RHOT1: variants seen among roughly 807,000 people sequenced by gnomAD.
RHOT1 encodes the protein mitochondrial Rho GTPase 1.
A neutral mutation model predicts 95.3 loss-of-function variants in RHOT1; 27 were observed. The ratio of observed to expected loss-of-function variants is 0.28; its 90% CI spans 0.21 to 0.39. RHOT1 has a LOEUF of 0.39. Among genes scored for constraint, RHOT1 ranks in the 10% least tolerant of loss-of-function variants. The pLI is 1.00. For synonymous variants in RHOT1, 227 were observed against 263.5 expected (o/e 0.86, Z 1.34); for missense variants, 578 against 786.7 (o/e 0.73, Z 3.17).
chr17:32,195,153 C>G (rs1449922721), intron 11 of RHOT1, among the ~76,000 whole-genome samples: 1 of 150,600 alleles, frequency 6.6e-6, no homozygotes, highest in Non-Finnish European at 1.5e-5. Context: ...GAGACAAGGT[C>G]TCATTTTGGC....
intron 16 of RHOT1, among the ~76,000 whole-genome samples, chr17:32,206,308 C>A (rs2037730165): frequency 6.8e-6 from 1 of 147,912 alleles, no homozygotes; most frequent in African/African-American, 2.5e-5. Context: ...CAGGCTCAAG[C>A]GATTCTCCTG....
At position 32,208,227 on chromosome 17, in the gene RHOT1, C is replaced by T. The variant is rs1418920696; in HGVS notation, c.1657C>T (p.Pro553Ser). The change falls in exon 18 of 20, where the codon CCA (proline) becomes TCA (serine). Residue 553 changes from proline to serine, a missense_variant. Pro to Ser is a moderately conservative substitution (Grantham distance 74). This residue lies in a region of RHOT1 where 296 missense variants were observed against 338.5 expected (regional missense o/e 0.87). Transcript: ENST00000545287. ...TDFCRKHKMP[P>S]PQAFTCNTAD... is the part of the protein sequence containing the mutation. Reference sequence around the variant, plus strand: ...TTTCTGCAGGAAACACAAAATGCCTCCACCACAAGCCTTCACTTGCAATAC... The same window carrying T: ...TTTCTGCAGGAAACACAAAATGCCTTCACCACAAGCCTTCACTTGCAATAC... 6.2e-7 allele frequency: 1 copy of T among 1,614,048 alleles called. No individual in the cohort carries two copies. The highest frequency in any genetic ancestry group is 8.5e-7 in the Non-Finnish European group (1 of 1,179,932).
rs1272063309 is a variant in RHOT1 at position 32,149,615 on chromosome 17, A to ATGTGTGTG, written c.37+6887_37+6888insGTGTGTGT. Among the ~76,000 whole-genome samples, 97 of 84,038 alleles carry ATGTGTGTG rather than the reference A, an allele frequency of 1.2e-3. 1 individual carries two copies. The highest frequency in any genetic ancestry group is 6.2e-3 in the African/African-American group (92 of 14,934). 55.1% of individuals were successfully genotyped at this position (84,038 alleles called of 152,430 possible). A position where few individuals can be genotyped will look rare whatever the true frequency, so the allele number is the denominator to read the frequency against. ...TCTATATATATATATATATATATAT[A>ATGTGTGTG]TATATATATATATATATATATGTGT... On this transcript the variant is annotated intron_variant, in intron 1 of 19. Transcript: ENST00000545287.
At chr17:32,158,884 G>A (rs2033247389) in intron 1 of RHOT1, among the ~76,000 whole-genome samples, 1 of 152,246 alleles carries the variant, frequency 6.6e-6, no homozygotes, top group Admixed American at 6.5e-5. Flanking sequence ...AATGATGGCA[G>A]TGGCGGCCAT....
chr17:32,211,118 A>G lies in RHOT1; in HGVS notation c.1742A>G (p.His581Arg), dbSNP rs1598454431. ...VKLTTMAMYPHARLRCMCTCN... is the reference protein window; with the variant it reads ...VKLTTMAMYPRARLRCMCTCN... ...TGTCCTTCTGTGTGTTTTCGCAGCC[A>G]TGCCCGGTTACGCTGTATGTGCACC... Residue 581 changes from histidine to arginine, a missense_variant and splice_region_variant, in exon 19 of 20, where the codon CAT (histidine) becomes CGT (arginine). Physicochemically the swap from His to Arg is conservative, Grantham distance 29. This residue lies in a region of RHOT1 where 296 missense variants were observed against 338.5 expected (regional missense o/e 0.87). Transcript: ENST00000545287. 1.2e-6 allele frequency: 2 copies of G among 1,603,842 alleles called. No individual in the cohort carries two copies. The highest frequency in any genetic ancestry group is 1.7e-6 in the Non-Finnish European group (2 of 1,172,334).
chr17:32,215,989 A>G (rs551203135), intron 19 of RHOT1, among the ~76,000 whole-genome samples: 17 of 152,318 alleles, frequency 1.1e-4, no homozygotes, highest in Non-Finnish European at 2.1e-4. Flanking sequence ...TTCAAGTGGT[A>G]TAAATTACGT....
intron 15 of RHOT1, among the ~76,000 whole-genome samples, chr17:32,203,266 CTTCTTTTT>C (rs1388619360): frequency 2.8e-5 from 3 of 108,642 alleles, no homozygotes; most frequent in Non-Finnish European, 3.7e-5. Context: ...TCTTCTTCTT[CTTCTTTTT>C]TTTTTTTTTT....
chr17:32,163,206 G>A (rs749476496), intron 1 of RHOT1, among the ~76,000 whole-genome samples: 21 of 152,152 alleles, frequency 1.4e-4, no homozygotes, highest in Non-Finnish European at 2.2e-4. Flanking sequence ...CATTTATATT[G>A]TTGGTAGATT....
intron 1 of RHOT1, 23 bp downstream of exon 1, chr17:32,142,752 G>A (rs998117138): frequency 2.0e-6 from 3 of 1,497,800 alleles, no homozygotes; most frequent in Non-Finnish European, 8.9e-7. Context: ...CCTCTGGCCG[G>A]CCCCTGAGTC....
chr17:32,186,046 T>G (rs904545882), intron 8 of RHOT1, among the ~76,000 whole-genome samples: 1 of 152,106 alleles, frequency 6.6e-6, no homozygotes, highest in Non-Finnish European at 1.5e-5. Context: ...TTGAGTACAT[T>G]TAGTAGTTGA....
chr17:32,149,591 CTATATATATATATATA>C lies in RHOT1; in HGVS notation c.37+6892_37+6907del, dbSNP rs1162059092. 2.2e-3 allele frequency among the ~76,000 whole-genome samples: 117 copies of C among 52,694 alleles called. 1 individual carries two copies. The highest frequency in any genetic ancestry group is 3.5e-3 in the African/African-American group (71 of 20,566). 34.6% of individuals were successfully genotyped at this position (52,694 alleles called of 152,430 possible). On this transcript the variant is annotated intron_variant, in intron 1 of 19. Transcript: ENST00000545287. The stretch of plus-strand genomic sequence containing the variant: ...GGTGAATCACTTGAGCCCAGCAGTT[CTATATATATATATATA>C]TATATATATATATATATATATATAT...
At chr17:32,220,991 C>T in intron 19 of RHOT1, 1 of 782,650 alleles carries the variant, frequency 1.3e-6, no homozygotes, top group Non-Finnish European at 1.6e-6. Flanking sequence ...ATAAGTTATT[C>T]TAAGATGATA....
At chr17:32,155,083 CAAAAAAGAAA>C (rs932796508) in intron 1 of RHOT1, among the ~76,000 whole-genome samples, 3 of 151,798 alleles carry the variant, frequency 2.0e-5, no homozygotes, top group African/African-American at 7.3e-5. Flanking sequence ...GATCCTGTCT[CAAAAAAGAAA>C]AGAAAAAGAA....
In RHOT1 at chr17:32,193,969, T is replaced by C. The variant is rs749005822; in HGVS notation, c.749-18T>C. The C allele has an allele frequency of 6.2e-7, 1 of 1,611,398 alleles. No homozygotes were observed. ...ATGTGACTCTGTACACTTTATTTAC[T>C]AATTTACTTTATTTCAGGTTTTCTC... On this transcript the variant is annotated intron_variant, in intron 10 of 19. Transcript: ENST00000545287.
At chr17:32,216,749 G>A (rs2038500886) in intron 19 of RHOT1, among the ~76,000 whole-genome samples, 1 of 152,040 alleles carries the variant, frequency 6.6e-6, no homozygotes, top group Non-Finnish European at 1.5e-5. Context: ...AGACAAAAAT[G>A]AACTGCTTTT....
rs114672765 is a variant in RHOT1 at position 32,224,619 on chromosome 17, C to T, written c.1866C>T (p.His622=). 3.1e-4 allele frequency: 496 copies of T among 1,609,608 alleles called. 4 individuals are homozygous for T. In the East Asian group the frequency reaches 9.3e-3, roughly 30 times the overall value. The change falls in exon 20 of 20, where the codon CAC becomes CAT. Residue 622 remains histidine (H), a synonymous_variant. Coordinates refer to ENST00000545287, the MANE Select transcript of RHOT1 (RefSeq NM_001033566.3). ...NKIFTAVLNR[H]VTQADLKSST... ...TAATTATATTTTCTGACTGCAGGCA[C>T]GTGACACAAGCTGACCTCAAGAGCT... is the stretch of plus-strand genomic sequence containing the variant.
intron 2 of RHOT1, among the ~76,000 whole-genome samples, chr17:32,172,444 A>G (rs116500005): frequency 0.013 from 2,005 of 152,324 alleles, 41 homozygotes; most frequent in African/African-American, 0.046. Context: ...GTTTTTTAAA[A>G]TTTAGTTTTT....
chr17:32,150,747 C>A (rs2032179023), intron 1 of RHOT1: 1 of 1,598,714 alleles, frequency 6.3e-7, no homozygotes, highest in Admixed American at 1.7e-5. Flanking sequence ...CCAGCCTCTC[C>A]CACTGAGTAT....
intron 12 of RHOT1, 152 bp from the exon 13 acceptor site, chr17:32,199,253 A>G (rs1053612555): frequency 1.0e-4 from 78 of 764,380 alleles, no homozygotes; most frequent in Non-Finnish European, 3.9e-5. Flanking sequence ...GTTTTCTTAC[A>G]TACATTTGAG....
Sources: gnomAD v4.1 joint callset for allele counts (sites outside exome capture counted in the v4.1 genomes callset) on GRCh38, gnomAD v4.1.1 for gene constraint, gnomAD v4.1.1 regional missense constraint, MANE v1.5 for transcripts, NCBI Gene and HGNC (gene_info 2026-07-23, HGNC 2026-07-21) for gene names.